The following DSCAM variants were observed in gnomAD, a reference collection of about 807,000 sequenced individuals.
The protein encoded by DSCAM is DS cell adhesion molecule.
DSCAM carries 47 observed loss-of-function variants against 217.7 expected under a neutral mutation model. The ratio of observed to expected loss-of-function variants is 0.22; its 90% CI spans 0.17 to 0.28. The LOEUF (loss-of-function observed/expected upper bound fraction) is 0.28, where lower values mean the gene tolerates loss of function less well. DSCAM is among the 10% of genes least tolerant of loss of function. DSCAM has a pLI of 1.00. For missense variants in DSCAM, 2,080 were observed against 2,618.3 expected (o/e 0.79, Z 4.49); for synonymous variants, 1,056 against 1,015.3 (o/e 1.04, Z -0.76).
chr21:40,812,143 G>C (rs150508405), intron 1 of DSCAM, among the ~76,000 whole-genome samples: 2 of 152,262 alleles, frequency 1.3e-5, no homozygotes, highest in East Asian at 3.9e-4. Flanking sequence ...GTAAGGGAGA[G>C]CAGGAATATA....
chr21:40,378,876 A>C (rs2074992750), intron 3 of DSCAM, among the ~76,000 whole-genome samples: 1 of 152,088 alleles, frequency 6.6e-6, no homozygotes, highest in East Asian at 1.9e-4. Context: ...TACAGGCGTG[A>C]GCCACCGCGC....
At chr21:40,613,302 G>A (rs1399290119) in intron 3 of DSCAM, among the ~76,000 whole-genome samples, 2 of 152,088 alleles carry the variant, frequency 1.3e-5, no homozygotes, top group East Asian at 3.9e-4. Context: ...ACATTCCATT[G>A]GGTACATTTG....
At chr21:40,651,164 C>CA (rs1191065717) in intron 3 of DSCAM, among the ~76,000 whole-genome samples, 1 of 152,150 alleles carries the variant, frequency 6.6e-6, no homozygotes, top group Non-Finnish European at 1.5e-5. Flanking sequence ...TCATGAGCTC[C>CA]AAGCACACAG....
intron 3 of DSCAM, among the ~76,000 whole-genome samples, chr21:40,597,382 A>T (rs1423741912): frequency 6.6e-6 from 1 of 151,376 alleles, no homozygotes; most frequent in Admixed American, 6.6e-5. Context: ...GTTTAATGAC[A>T]GAAATGGGGT....
At chr21:40,560,189 G>A (rs187875607) in intron 3 of DSCAM, among the ~76,000 whole-genome samples, 4 of 152,144 alleles carry the variant, frequency 2.6e-5, no homozygotes, top group African/African-American at 4.8e-5. Context: ...CAGAGAGGCA[G>A]CATTTGCAGG....
At chr21:40,492,921 C>T (rs536431007) in intron 3 of DSCAM, among the ~76,000 whole-genome samples, 1 of 151,964 alleles carries the variant, frequency 6.6e-6, no homozygotes, top group South Asian at 2.1e-4. Context: ...AAGACTACAC[C>T]AAGACATGCT....
intron 3 of DSCAM, among the ~76,000 whole-genome samples, chr21:40,505,846 T>G (rs2076206163): frequency 6.6e-6 from 1 of 152,216 alleles, no homozygotes; most frequent in South Asian, 2.1e-4. Context: ...CCTCTGTGTG[T>G]GGTGATAACA....
At chr21:40,295,059 A>G (rs920501788) in intron 10 of DSCAM, among the ~76,000 whole-genome samples, 1 of 152,218 alleles carries the variant, frequency 6.6e-6, no homozygotes, top group African/African-American at 2.4e-5. Context: ...TGTTGCTTCC[A>G]TAATGAGAAA....
chr21:40,367,013 C>T (rs1166621013), intron 4 of DSCAM, among the ~76,000 whole-genome samples: 1 of 152,120 alleles, frequency 6.6e-6, no homozygotes, highest in African/African-American at 2.4e-5. Flanking sequence ...TAAATTGAGC[C>T]GTTCCCCTGA....
intron 15 of DSCAM, 52 bp downstream of exon 15, chr21:40,178,875 A>G: frequency 6.2e-7 from 1 of 1,609,584 alleles, no homozygotes; most frequent in Non-Finnish European, 8.5e-7. Flanking sequence ...TGAGCCCTCA[A>G]GAGTTAGCTC....
intron 2 of DSCAM, among the ~76,000 whole-genome samples, chr21:40,701,160 T>C (rs1203158548): frequency 6.6e-6 from 1 of 152,140 alleles, no homozygotes; most frequent in Non-Finnish European, 1.5e-5. Flanking sequence ...ATAGGGCTAT[T>C]CAGTTTATCT....
chr21:40,043,271 C>T (rs573287571), intron 31 of DSCAM, among the ~76,000 whole-genome samples: 33 of 152,268 alleles, frequency 2.2e-4, no homozygotes, highest in South Asian at 2.1e-3. Context: ...AGCTGGGCCA[C>T]GCCATCTTGG....
intron 1 of DSCAM, among the ~76,000 whole-genome samples, chr21:40,722,693 C>T (rs775260275): frequency 5.3e-5 from 8 of 151,986 alleles, no homozygotes; most frequent in Non-Finnish European, 1.0e-4. Flanking sequence ...TTGACCATCA[C>T]ATTAAATATA....
intron 3 of DSCAM, among the ~76,000 whole-genome samples, chr21:40,537,691 T>C (rs1159984965): frequency 6.6e-6 from 1 of 152,092 alleles, no homozygotes; most frequent in African/African-American, 2.4e-5. Flanking sequence ...TGCCCTGAGA[T>C]GATGAAGGCA....
At chr21:40,135,751 G>A (rs1365769795) in intron 18 of DSCAM, among the ~76,000 whole-genome samples, 1 of 152,232 alleles carries the variant, frequency 6.6e-6, no homozygotes, top group Non-Finnish European at 1.5e-5. Context: ...GAATAGCCAT[G>A]TATTTTGTGA....
intron 3 of DSCAM, among the ~76,000 whole-genome samples, chr21:40,558,370 C>A (rs1193468094): frequency 6.6e-6 from 1 of 151,902 alleles, no homozygotes; most frequent in Non-Finnish European, 1.5e-5. Context: ...ATGGCATGAA[C>A]CTGGGAGGCG....
chr21:40,678,852 T>C (rs1019520216), intron 3 of DSCAM, among the ~76,000 whole-genome samples: 1 of 152,240 alleles, frequency 6.6e-6, no homozygotes, highest in African/African-American at 2.4e-5. Context: ...CAGGAAATGC[T>C]GTAACGCGCC....
intron 3 of DSCAM, among the ~76,000 whole-genome samples, chr21:40,660,918 G>T (rs2090132059): frequency 6.6e-6 from 1 of 152,140 alleles, no homozygotes; most frequent in African/African-American, 2.4e-5. Flanking sequence ...AGAACTCATG[G>T]CAATGTTATC....
chr21:40,823,251 GAGAAAGGAAGAC>G (rs1444099375), intron 1 of DSCAM, among the ~76,000 whole-genome samples: 1 of 150,942 alleles, frequency 6.6e-6, no homozygotes, highest in African/African-American at 2.4e-5. Flanking sequence ...AAGATGAGGA[GAGAAAGGAAGAC>G]AGACAAGGAG....
Sources: allele counts gnomAD v4.1 joint callset (sites outside exome capture counted in the v4.1 genomes callset), GRCh38; gene constraint gnomAD v4.1.1; transcripts MANE v1.5; gene names NCBI Gene and HGNC (gene_info 2026-07-23, HGNC 2026-07-21).